Variants in SRCIN1 observed in about 807,000 individuals in gnomAD.
SRCIN1 encodes the protein P130Cas-associated protein.
In SRCIN1, 50 loss-of-function variants were observed where a neutral mutation model predicts 116.2. That is an observed-to-expected ratio of 0.43 (90% CI 0.34 to 0.54). SRCIN1 has a LOEUF of 0.54. SRCIN1 is among the 20% of genes least tolerant of loss of function. The pLI is 0.02. For missense variants in SRCIN1, 1,446 were observed against 1,672.0 expected (o/e 0.86, Z 2.36); for synonymous variants, 736 against 750.0 (o/e 0.98, Z 0.30).
At chr17:38,577,548 A>G (rs1907495244) in intron 2 of SRCIN1, among the ~76,000 whole-genome samples, 1 of 152,132 alleles carries the variant, frequency 6.6e-6, no homozygotes, top group Non-Finnish European at 1.5e-5. Context: ...GGAGACAGGG[A>G]CTGACACACC....
intron 9 of SRCIN1, 27 bp downstream of exon 9, chr17:38,560,027 G>A: frequency 6.6e-7 from 1 of 1,526,280 alleles, no homozygotes; most frequent in African/African-American, 1.4e-5. Flanking sequence ...GAGAGAACAA[G>A]GATGGGGGAG....
At chr17:38,578,969 G>A (rs1907619989) in intron 1 of SRCIN1, among the ~76,000 whole-genome samples, 178 bp from the exon 2 acceptor site, 1 of 152,218 alleles carries the variant, frequency 6.6e-6, no homozygotes, top group African/African-American at 2.4e-5. Context: ...GGAAGTGCGT[G>A]GATGGCGTGG....
chr17:38,590,508 T>C (rs1908383974), intron 1 of SRCIN1, among the ~76,000 whole-genome samples: 1 of 152,210 alleles, frequency 6.6e-6, no homozygotes, highest in Admixed American at 6.5e-5. Context: ...AGTGCTGGGA[T>C]TACAGGCATG....
rs1452496231 is a variant in SRCIN1, at chr17:38,562,938, A to G, written c.741-18T>C. The G allele has an allele frequency of 6.3e-7, 1 of 1,593,156 alleles. No homozygotes were observed. The highest frequency in any genetic ancestry group is 1.7e-5 in the Admixed American group (1 of 59,322). On this transcript the variant is annotated intron_variant, in intron 5 of 18. Transcript: ENST00000617146. This position sits in a 1 kb window ranked among gnomAD's most constrained non-coding sequence, Gnocchi z 4.2. ...GGATGTCCCTGGGAGAGGCGGGGAG[A>G]CGGGGGTCACCACCCATCCCCCAGC...
intron 1 of SRCIN1, among the ~76,000 whole-genome samples, chr17:38,584,702 C>A (rs1908021524): frequency 6.6e-6 from 1 of 152,222 alleles, no homozygotes; most frequent in Non-Finnish European, 1.5e-5. Context: ...AAGATCCCAA[C>A]ATCTTAGTGA....
chr17:38,562,728 C>T lies in SRCIN1; in HGVS notation c.834+99G>A. On this transcript the variant is annotated intron_variant, in intron 6 of 18. Transcript: ENST00000617146. This position sits in a 1 kb window ranked among gnomAD's most constrained non-coding sequence, Gnocchi z 4.2. ...CCCTCAGCCCCTATGCTGTCTTCTC[C>T]AAAGCTGGCCCTGGTTCCAGATGAC... The T allele has an allele frequency of 9.2e-7, 1 of 1,086,584 alleles. No individual in the cohort carries two copies. The highest frequency in any genetic ancestry group is 1.4e-6 in the Non-Finnish European group (1 of 738,428). The allele number at this position is 1,086,584 out of a possible 1,614,324, so 67.3% of individuals were successfully genotyped here.
intron 1 of SRCIN1, among the ~76,000 whole-genome samples, chr17:38,593,145 G>A (rs914976695): frequency 6.6e-6 from 1 of 152,152 alleles, no homozygotes; most frequent in South Asian, 2.1e-4. Context: ...TCGGAGGGGC[G>A]AGCCCAGAGG....
In SRCIN1 at chr17:38,586,289, G is replaced by A. The variant is rs530820469; in HGVS notation, c.23-7498C>T. Among the ~76,000 whole-genome samples the A allele has an allele frequency of 2.1e-3, 315 of 152,322 alleles. 1 individual carries two copies. Among genetic ancestry groups the A allele is most frequent in the African/African-American group, 7.0e-3 (291 of 41,566 alleles). ...AGGGAGGATCGAGGCCATCCCCCCA[G>A]CGTGGGCCCTGCCCACTCCCTGGGC... On this transcript the variant is annotated intron_variant, in intron 1 of 18. Coordinates refer to ENST00000617146, the MANE Select transcript of SRCIN1 (RefSeq NM_025248.3).
chr17:38,552,499 C>A lies in SRCIN1; in HGVS notation c.2428G>T (p.Gly810Trp). 1 of 1,604,294 alleles carries A rather than the reference C, an allele frequency of 6.2e-7. No individual in the cohort carries two copies. The highest frequency in any genetic ancestry group is 2.3e-5 in the East Asian group (1 of 44,238). Residue 810 changes from glycine to tryptophan, a missense_variant, in exon 13 of 19, where the codon GGG (glycine) becomes TGG (tryptophan). Coordinates refer to ENST00000617146, the MANE Select transcript of SRCIN1 (RefSeq NM_025248.3). The surrounding 1 kb of genome is among the most constrained non-coding windows in gnomAD (Gnocchi z 5.3). ...ACCCCGCGGCAGCGCTTGAGGAGCC[C>A]ATCCAGGCGCTGGGGCTCCTCCTTC... Reference protein sequence around the residue: ...FLKEEPQRLDGLLKRCRGVTD... With the variant: ...FLKEEPQRLDWLLKRCRGVTD...
At chr17:38,575,582 T>C (rs1295021342) in intron 2 of SRCIN1, among the ~76,000 whole-genome samples, 1 of 152,150 alleles carries the variant, frequency 6.6e-6, no homozygotes, top group Admixed American at 6.5e-5. Flanking sequence ...CTCTGCACAC[T>C]GGCAAGGAAG....
chr17:38,602,017 T>TG lies in SRCIN1; in HGVS notation c.22+3666dup, dbSNP rs1418749116. ...AAGACGGAAAGGCACAGAGGAGAGA[T>TG]GGGGGAGGGGCGAAGACTGAGGGCA... On this transcript the variant is annotated intron_variant, in intron 1 of 18. Coordinates refer to ENST00000617146, the MANE Select transcript of SRCIN1 (RefSeq NM_025248.3). This position sits in a 1 kb window ranked among gnomAD's most constrained non-coding sequence, Gnocchi z 4.2. 6.6e-6 allele frequency among the ~76,000 whole-genome samples: 1 copy of TG among 150,630 alleles called. No homozygotes were observed. The highest frequency in any genetic ancestry group is 1.5e-5 in the Non-Finnish European group (1 of 67,606).
chr17:38,541,264 A>G (rs1904724219), intron 18 of SRCIN1: 1 of 151,888 alleles, frequency 6.6e-6, no homozygotes, highest in Non-Finnish European at 1.5e-5. Flanking sequence ...AATAAAATAA[A>G]ATAAAATAAA....
chr17:38,546,033 C>A (rs977281141), intron 17 of SRCIN1, among the ~76,000 whole-genome samples: 26 of 152,192 alleles, frequency 1.7e-4, no homozygotes, highest in Admixed American at 1.0e-3. Context: ...CTGACAAATC[C>A]TCTGTGGCAC....
chr17:38,549,605 T>C, intron 15 of SRCIN1, among the ~76,000 whole-genome samples: 1 of 152,086 alleles, frequency 6.6e-6, no homozygotes, highest in Non-Finnish European at 1.5e-5. Flanking sequence ...CCACTGCCCC[T>C]CACCCTTGCC....
chr17:38,602,519 ACT>A lies in SRCIN1; in HGVS notation c.22+3163_22+3164del, dbSNP rs1398214319. On this transcript the variant is annotated intron_variant, in intron 1 of 18. Coordinates refer to ENST00000617146, the MANE Select transcript of SRCIN1 (RefSeq NM_025248.3). This position sits in a 1 kb window ranked among gnomAD's most constrained non-coding sequence, Gnocchi z 4.2. ...AGTCCAGAGCCTCAGCTACCAGGAG[ACT>A]CACCCTCAGCAGCTTGTGCCCAAGC... 1 of 151,380 alleles carries A rather than the reference ACT, an allele frequency of 6.6e-6. No individual in the cohort carries two copies. The highest frequency in any genetic ancestry group is 6.6e-5 in the Admixed American group (1 of 15,224). The allele number at this position is 151,380 out of a possible 1,614,324, so 9.4% of individuals were successfully genotyped here.
rs746423055 is a variant in SRCIN1, at chr17:38,562,864, G to A, written c.797C>T (p.Ala266Val). 1 of 1,613,822 alleles carries A rather than the reference G, an allele frequency of 6.2e-7. No individual in the cohort carries two copies. Among genetic ancestry groups the A allele is most frequent in the South Asian group, 1.1e-5 (1 of 91,046 alleles). Residue 266 changes from alanine to valine, a missense_variant, in exon 6 of 19, where the codon GCC becomes GTC. Transcript: ENST00000617146. The surrounding 1 kb of genome is among the most constrained non-coding windows in gnomAD (Gnocchi z 4.2). ...GTTGGTGAGATGTGAGCCAGGGAAGGCAGCGTAGAGGGGCTCCTTTCTGTA... is the reference window on the plus strand; with the variant it reads ...GTTGGTGAGATGTGAGCCAGGGAAGACAGCGTAGAGGGGCTCCTTTCTGTA... ...KIYRKEPLYA[A>V]FPGSHLTNGD...
chr17:38,578,874 A>G, intron 1 of SRCIN1, 83 bp from the exon 2 acceptor site: 1 of 1,409,086 alleles, frequency 7.1e-7, no homozygotes, highest in Middle Eastern at 2.6e-4. Flanking sequence ...CCCTGCGGGA[A>G]GGGGCGGGGC....
At chr17:38,603,612 ATTG>A (rs1909187820) in intron 1 of SRCIN1, among the ~76,000 whole-genome samples, 1 of 152,250 alleles carries the variant, frequency 6.6e-6, no homozygotes, top group Non-Finnish European at 1.5e-5. Context: ...AGAAGCAGGA[ATTG>A]TTGTGGGGGG....
intron 11 of SRCIN1, among the ~76,000 whole-genome samples, chr17:38,554,119 G>A (rs995422079): frequency 4.6e-5 from 7 of 152,010 alleles, no homozygotes; most frequent in African/African-American, 1.7e-4. Context: ...GCTGAGGCAG[G>A]AGAATCGCTT....
Sources: allele counts gnomAD v4.1 joint callset (sites outside exome capture counted in the v4.1 genomes callset), GRCh38; gene constraint gnomAD v4.1.1; non-coding constraint Gnocchi (gnomAD v3.1); transcripts MANE v1.5; gene names NCBI Gene and HGNC (gene_info 2026-07-23, HGNC 2026-07-21).